TWNK: variants seen among roughly 807,000 people sequenced by gnomAD.
TWNK encodes twinkle mtDNA helicase.
A neutral mutation model predicts 58.2 loss-of-function variants in TWNK; 36 were observed. The observed-to-expected ratio is 0.62, with a 90% CI of 0.47 to 0.82. The LOEUF is 0.82. Among genes scored for constraint, TWNK ranks in the 40% least tolerant of loss-of-function variants. The pLI is 0.00. For missense variants in TWNK, 714 were observed against 881.0 expected, an observed-to-expected ratio of 0.81 and a Z score of 2.40; for synonymous variants, 349 against 348.5, an observed-to-expected ratio of 1.00 and a Z score of -0.02.
chr10:100,991,876 C>T (rs1053805823), intron 4 of TWNK, among the ~76,000 whole-genome samples: 10 of 150,548 alleles, frequency 6.6e-5, no homozygotes, highest in East Asian at 2.0e-4. Context: ...AAAAATTAGC[C>T]GGGCGTGGTG....
chr10:100,994,019 G>A lies in TWNK; in HGVS notation c.*509G>A. On this transcript the variant is annotated 3_prime_UTR_variant, in exon 5 of 5. Transcript: ENST00000311916. ...AATCCAAGCCCTGAGGTAGGAATGA[G>A]CAGGTCAGATTCAAGGCAGTGAGGT... is the stretch of plus-strand genomic sequence containing the variant. The A allele has an allele frequency of 5.6e-6, 1 of 178,734 alleles. No homozygotes were observed. Among genetic ancestry groups the A allele is most frequent in the South Asian group, 1.1e-4 (1 of 8,864 alleles). The allele number at this position is 178,734 out of a possible 1,614,324, so 11.1% of individuals were successfully genotyped here. A position where few individuals can be genotyped will look rare whatever the true frequency, so the allele number is the denominator to read the frequency against.
chr10:100,989,538 T>C lies in TWNK; in HGVS notation c.1243+85T>C. On this transcript the variant is annotated intron_variant, in intron 1 of 4. Transcript: ENST00000311916. This position sits in a 1 kb window ranked among gnomAD's most constrained non-coding sequence, Gnocchi z 7.6. ...AAGTGGGTTTGGGCCATGACAATGT[T>C]GAAAAGAAGGTTGGCCCTTTCCCCC... 3 of 1,609,554 alleles carry C rather than the reference T, an allele frequency of 1.9e-6. No individual in the cohort carries two copies. The highest frequency in any genetic ancestry group is 1.3e-5 in the African/African-American group (1 of 74,964).
In TWNK at chr10:100,989,943, C is replaced by T. The variant is rs1851724222; in HGVS notation, c.1484+59C>T. ...CCAGACATATCCCAGCACTCAGGAACCTTTGGTTCCTTTTCCAGCTCCAGT... is the reference window on the plus strand; with the variant it reads ...CCAGACATATCCCAGCACTCAGGAATCTTTGGTTCCTTTTCCAGCTCCAGT... On this transcript the variant is annotated intron_variant, in intron 2 of 4. Coordinates refer to ENST00000311916, the MANE Select transcript of TWNK (RefSeq NM_021830.5). This position sits in a 1 kb window ranked among gnomAD's most constrained non-coding sequence, Gnocchi z 7.6. The T allele has an allele frequency of 4.4e-6, 7 of 1,608,026 alleles. No individual in the cohort carries two copies. In the Middle Eastern group the frequency reaches 5.0e-4, roughly 114 times the overall value.
In TWNK at chr10:100,989,162, G is replaced by A. The variant is rs80356542; in HGVS notation, c.952G>A (p.Ala318Thr). The A allele has an allele frequency of 2.5e-6, 4 of 1,612,496 alleles. No homozygotes were observed. The highest frequency in any genetic ancestry group is 1.7e-5 in the Admixed American group (1 of 59,972). ...GGATGACCTTCGGTCCTGGGAAGCC[G>A]CCAAGTTGTTTGCACGAAAACTGAA... The part of the protein sequence containing the change: ...LGDDLRSWEA[A>T]KLFARKLNPK... The change falls in exon 1 of 5, where the codon GCC (alanine) becomes ACC (threonine). Residue 318 changes from alanine (A) to threonine (T), a missense_variant. Physicochemically the swap from Ala to Thr is moderately conservative, Grantham distance 58. Transcript: ENST00000311916. This position sits in a 1 kb window ranked among gnomAD's most constrained non-coding sequence, Gnocchi z 7.6.
At chr10:100,993,081 C>T (rs1458405091) in intron 4 of TWNK, 109 bp from the exon 5 acceptor site, 18 of 1,182,570 alleles carry the variant, frequency 1.5e-5, no homozygotes, top group Non-Finnish European at 2.0e-5. Flanking sequence ...CCATTGTACC[C>T]AGCCCCTCTC....
chr10:100,993,548 G>T lies in TWNK; in HGVS notation c.*38G>T. 1 of 1,604,674 alleles carries T rather than the reference G, an allele frequency of 6.2e-7. No homozygotes were observed. Among genetic ancestry groups the T allele is most frequent in the East Asian group, 2.2e-5 (1 of 44,776 alleles). Reference sequence around the variant, plus strand: ...GCTGGTCACTGAAATGAGCCTGATAGGATAGGCTGGAGCATAAAACTCTGC... The same window carrying T: ...GCTGGTCACTGAAATGAGCCTGATATGATAGGCTGGAGCATAAAACTCTGC... On this transcript the variant is annotated 3_prime_UTR_variant, in exon 5 of 5. Coordinates refer to ENST00000311916, the MANE Select transcript of TWNK (RefSeq NM_021830.5).
rs774574868 is a variant in TWNK at position 100,994,123 on chromosome 10, C to T, written c.*613C>T. ...AGGCTTTCAAAGTCAAAGGGTGATA[C>T]AGTGGGTACCAAGCTCCTCTGCTCC... On this transcript the variant is annotated 3_prime_UTR_variant, in exon 5 of 5. Transcript: ENST00000311916. The T allele has an allele frequency of 6.3e-6, 1 of 158,284 alleles. No homozygotes were observed. Among genetic ancestry groups the T allele is most frequent in the Non-Finnish European group, 1.4e-5 (1 of 71,694 alleles). The allele number at this position is 158,284 out of a possible 1,614,324, so 9.8% of individuals were successfully genotyped here.
rs267606682 is a variant in TWNK at position 100,989,330 on chromosome 10, C to T, written c.1120C>T (p.Arg374Trp). Residue 374 changes from arginine to tryptophan, a missense_variant, in exon 1 of 5, where the codon CGG becomes TGG. Physicochemically the swap from Arg to Trp is moderately radical, Grantham distance 101 (BLOSUM62 -3). Around this residue, in one of 3 missense-constraint regions of TWNK, gnomAD observed 302 missense variants for 438.6 expected, o/e 0.69. Coordinates refer to ENST00000311916, the MANE Select transcript of TWNK (RefSeq NM_021830.5). This position sits in a 1 kb window ranked among gnomAD's most constrained non-coding sequence, Gnocchi z 7.6. The stretch of plus-strand genomic sequence containing the variant: ...GTCCATCGTATCTTTCCGGCAGCTT[C>T]GGGAGGAGGTGCTAGGAGAACTGTC... ...HKSIVSFRQL[R>W]EEVLGELSNV... The T allele has an allele frequency of 4.3e-6, 7 of 1,614,024 alleles. No individual in the cohort carries two copies. The highest frequency in any genetic ancestry group is 2.2e-5 in the East Asian group (1 of 44,882).
chr10:100,992,896 C>T (rs1478694403), intron 4 of TWNK, among the ~76,000 whole-genome samples: 3 of 152,102 alleles, frequency 2.0e-5, no homozygotes. Flanking sequence ...AAGCGATTCT[C>T]CTGCCTCAGC....
rs1590016885 is a variant in TWNK, at chr10:100,988,196, C to G, written c.-15C>G. 5 of 1,613,862 alleles carry G rather than the reference C, an allele frequency of 3.1e-6. No homozygotes were observed. In the East Asian group the frequency reaches 1.1e-4, roughly 36 times the overall value. On this transcript the variant is annotated 5_prime_UTR_variant, in exon 1 of 5. Coordinates refer to ENST00000311916, the MANE Select transcript of TWNK (RefSeq NM_021830.5). This position sits in a 1 kb window ranked among gnomAD's most constrained non-coding sequence, Gnocchi z 5.2. ...TAAGGCATTTCAAGTAGTGACTTCC[C>G]ACATTTGGCTAGGAATGTGGGTCCT...
chr10:100,989,525 G>A lies in TWNK; in HGVS notation c.1243+72G>A. 6.2e-7 allele frequency: 1 copy of A among 1,609,374 alleles called. No homozygotes were observed. Among genetic ancestry groups the A allele is most frequent in the Non-Finnish European group, 8.5e-7 (1 of 1,178,620 alleles). On this transcript the variant is annotated intron_variant, in intron 1 of 4. Transcript: ENST00000311916. This position sits in a 1 kb window ranked among gnomAD's most constrained non-coding sequence, Gnocchi z 7.6. ...AGGTGACAAAAGCAAGTGGGTTTGG[G>A]CCATGACAATGTTGAAAAGAAGGTT...
chr10:100,990,574 GAGCCC>G, intron 3 of TWNK, 31 bp downstream of exon 3: 1 of 1,613,748 alleles, frequency 6.2e-7, no homozygotes, highest in Non-Finnish European at 8.5e-7. Flanking sequence ...TGTCTAGCTT[GAGCCC>G]GCTTGGACAT....
rs762994786 is a variant in TWNK at position 100,990,438 on chromosome 10, C to G, written c.1487C>G (p.Thr496Ser). The G allele has an allele frequency of 8.1e-6, 13 of 1,612,562 alleles. No individual in the cohort carries two copies. The change falls in exon 3 of 5, where the codon ACT becomes AGT. Residue 496 changes from threonine to serine, a missense_variant and splice_region_variant. Thr to Ser is a moderately conservative substitution (Grantham distance 58). This residue lies in a region of TWNK where 302 missense variants were observed against 438.6 expected (regional missense o/e 0.69). Transcript: ENST00000311916. Reference protein sequence around the residue: ...MTFHGQQSIRTVIDTMQHAVY... With the variant: ...MTFHGQQSIRSVIDTMQHAVY... ...TTCCTTGCCTTTCCTCTTCCCAGGA[C>G]TGTAATAGATACAATGCAACATGCA...
rs1480925889 is a variant in TWNK at position 100,993,662 on chromosome 10, TC to T, written c.*153del. The T allele has an allele frequency of 2.4e-5, 20 of 825,300 alleles. No individual in the cohort carries two copies. Among genetic ancestry groups the T allele is most frequent in the Non-Finnish European group, 2.7e-5 (14 of 512,504 alleles). The allele number at this position is 825,300 out of a possible 1,614,324, so 51.1% of individuals were successfully genotyped here. A position where few individuals can be genotyped will look rare whatever the true frequency, so the allele number is the denominator to read the frequency against. Reference sequence around the variant, plus strand: ...GAGCAGGTTTCCATAGTGAGAAAATTCAATGTAGCAGACTACTGAGAAACTA... The same window carrying T: ...GAGCAGGTTTCCATAGTGAGAAAATTAATGTAGCAGACTACTGAGAAACTA... On this transcript the variant is annotated 3_prime_UTR_variant, in exon 5 of 5. Transcript: ENST00000311916.
At chr10:100,990,330 A>T (rs955210127) in intron 2 of TWNK, 106 bp from the exon 3 acceptor site, 6 of 837,244 alleles carry the variant, frequency 7.2e-6, no homozygotes, top group Admixed American at 3.4e-5. Context: ...AGTAATAATA[A>T]TAGAAGGGCA....
At position 100,990,893 on chromosome 10, in the gene TWNK, C is replaced by G. The variant is rs759011955; in HGVS notation, c.1617C>G (p.Ile539Met). 1.2e-6 allele frequency: 2 copies of G among 1,614,212 alleles called. No homozygotes were observed. Among genetic ancestry groups the G allele is most frequent in the South Asian group, 2.2e-5 (2 of 91,084 alleles). ...GGATCGCAGCTCAAGACTACATCAT[C>G]GGGGTCTTTCGGAAGTTTGCAACAG... ...TDRIAAQDYIIGVFRKFATDN... is the reference protein window; with the variant it reads ...TDRIAAQDYIMGVFRKFATDN... The change falls in exon 4 of 5, where the codon ATC (isoleucine) becomes ATG (methionine). Residue 539 changes from isoleucine (I) to methionine (M), a missense_variant. Coordinates refer to ENST00000311916, the MANE Select transcript of TWNK (RefSeq NM_021830.5).
In TWNK at chr10:100,989,632, A is replaced by G; in HGVS notation, c.1244-12A>G. 6.2e-7 allele frequency: 1 copy of G among 1,613,780 alleles called. No homozygotes were observed. The highest frequency in any genetic ancestry group is 8.5e-7 in the Non-Finnish European group (1 of 1,179,992). On this transcript the variant is annotated splice_polypyrimidine_tract_variant and intron_variant, in intron 1 of 4. Coordinates refer to ENST00000311916, the MANE Select transcript of TWNK (RefSeq NM_021830.5). The surrounding 1 kb of genome is among the most constrained non-coding windows in gnomAD (Gnocchi z 7.6). The stretch of plus-strand genomic sequence containing the variant: ...CTTCCTCCTCACCCAGGTCTGTTCC[A>G]CCCCACTGCAGGGCCAACAGGCAGT...
intron 3 of TWNK, 138 bp downstream of exon 3, chr10:100,990,681 G>A: frequency 6.3e-7 from 1 of 1,590,518 alleles, no homozygotes; most frequent in Non-Finnish European, 8.6e-7. Flanking sequence ...CCACCCCCAT[G>A]TGTATCATAT....
chr10:100,989,427 G>A lies in TWNK; in HGVS notation c.1217G>A (p.Arg406Gln), dbSNP rs756073260. The change falls in exon 1 of 5, where the codon CGA becomes CAA. Residue 406 changes from arginine to glutamine, a missense_variant. This residue lies in a region of TWNK where 302 missense variants were observed against 438.6 expected (regional missense o/e 0.69). Transcript: ENST00000311916. The surrounding 1 kb of genome is among the most constrained non-coding windows in gnomAD (Gnocchi z 7.6). ...CTCAATCGTATCTTGAAGGGACATC[G>A]AAAGGGCGAGCTGACGGTCTTCACA... is the stretch of plus-strand genomic sequence containing the variant. ...PDLNRILKGHRKGELTVFTGP... is the reference protein window; with the variant it reads ...PDLNRILKGHQKGELTVFTGP... The A allele has an allele frequency of 5.6e-6, 9 of 1,614,108 alleles. No individual in the cohort carries two copies. Among genetic ancestry groups the A allele is most frequent in the Non-Finnish European group, 7.6e-6 (9 of 1,180,028 alleles).
Sources: allele counts gnomAD v4.1 joint callset (sites outside exome capture counted in the v4.1 genomes callset), GRCh38; gene constraint gnomAD v4.1.1; regional missense constraint gnomAD v4.1.1; non-coding constraint Gnocchi (gnomAD v3.1); transcripts MANE v1.5; gene names NCBI Gene and HGNC (gene_info 2026-07-23, HGNC 2026-07-21).